KCNIP4: variants seen among roughly 807,000 people sequenced by gnomAD.
The protein encoded by KCNIP4 is Kv channel-interacting protein 4.
Under a neutral mutation model 34.0 loss-of-function variants are expected in KCNIP4, and 12 were observed. That is an observed-to-expected ratio of 0.35 (90% CI 0.23 to 0.57). KCNIP4 has a LOEUF of 0.57. Among genes scored for constraint, KCNIP4 ranks in the 20% least tolerant of loss-of-function variants. KCNIP4 has a pLI of 0.83. For missense variants in KCNIP4, 238 were observed against 311.7 expected (o/e 0.76, Z 1.78); for synonymous variants, 124 against 102.2 (o/e 1.21, Z -1.29).
At chr4:21,043,392 C>T (rs1344449682) in intron 1 of KCNIP4, among the ~76,000 whole-genome samples, 14 of 152,070 alleles carry the variant, frequency 9.2e-5, no homozygotes, top group East Asian at 1.9e-4. Flanking sequence ...TGCATTGGTG[C>T]GATCTCAACA....
At chr4:21,924,859 C>T (rs1729145969) in intron 1 of KCNIP4, among the ~76,000 whole-genome samples, 1 of 152,046 alleles carries the variant, frequency 6.6e-6, no homozygotes, top group Non-Finnish European at 1.5e-5. Flanking sequence ...CCTCCCTGGC[C>T]CCCAATTGTT....
chr4:21,739,767 A>G (rs1348056297), intron 1 of KCNIP4, among the ~76,000 whole-genome samples: 1 of 152,106 alleles, frequency 6.6e-6, no homozygotes, highest in Non-Finnish European at 1.5e-5. Flanking sequence ...GCTCCTTTGA[A>G]GTACATCCTT....
At chr4:21,787,293 C>A (rs1289863407) in intron 1 of KCNIP4, among the ~76,000 whole-genome samples, 2 of 152,152 alleles carry the variant, frequency 1.3e-5, no homozygotes, top group Non-Finnish European at 2.9e-5. Flanking sequence ...GTTTAAAAAT[C>A]TGAAATCTGA....
intron 1 of KCNIP4, among the ~76,000 whole-genome samples, chr4:21,792,098 G>A (rs13128557): frequency 6.6e-6 from 1 of 150,838 alleles, no homozygotes; most frequent in African/African-American, 2.5e-5. Flanking sequence ...TCTGATTTTC[G>A]TGGTGGGAAG....
chr4:21,831,730 A>ATT (rs1723004180), intron 1 of KCNIP4, among the ~76,000 whole-genome samples: 1 of 149,928 alleles, frequency 6.7e-6, no homozygotes, highest in South Asian at 2.1e-4. Context: ...CCAAAGATTT[A>ATT]AAGAATTCAC....
chr4:21,609,668 GAGA>G lies in KCNIP4; in HGVS notation c.61+338900_61+338902del, dbSNP rs1398756124. Among the ~76,000 whole-genome samples, 3 of 152,266 alleles carry G rather than the reference GAGA, an allele frequency of 2.0e-5. No homozygotes were observed. In the South Asian group the frequency reaches 6.2e-4, roughly 32 times the overall value. The stretch of plus-strand genomic sequence containing the variant: ...ATATCCTCATGGAAAATAGAGAAAA[GAGA>G]AGAAGATTGCTTCCTTAAATTAGGG... On this transcript the variant is annotated intron_variant, in intron 1 of 8. Coordinates refer to ENST00000382152, the MANE Select transcript of KCNIP4 (RefSeq NM_025221.6).
chr4:21,720,100 T>C (rs1714699584), intron 1 of KCNIP4, among the ~76,000 whole-genome samples: 1 of 151,486 alleles, frequency 6.6e-6, no homozygotes, highest in African/African-American at 2.4e-5. Flanking sequence ...AGTTATTTAA[T>C]ACCTTTTCTA....
At chr4:21,804,613 A>G (rs1295555177) in intron 1 of KCNIP4, among the ~76,000 whole-genome samples, 1 of 152,200 alleles carries the variant, frequency 6.6e-6, no homozygotes, top group Non-Finnish European at 1.5e-5. Context: ...CACCTGCTCA[A>G]ATTAGACCAG....
At position 20,971,910 on chromosome 4, in the gene KCNIP4, T is replaced by G. The variant is rs77528175; in HGVS notation, c.62-89201A>C. On this transcript the variant is annotated intron_variant, in intron 1 of 8. Coordinates refer to ENST00000382152, the MANE Select transcript of KCNIP4 (RefSeq NM_025221.6). ...TCCTGCTGCTGCTTTCTCAAATAAGTTTATGCAGTATTCTAAATTCTTAGC... is the reference window on the plus strand; with the variant it reads ...TCCTGCTGCTGCTTTCTCAAATAAGGTTATGCAGTATTCTAAATTCTTAGC... Among the ~76,000 whole-genome samples, 849 of 152,300 alleles carry G rather than the reference T, an allele frequency of 5.6e-3. 6 individuals carry two copies. Among genetic ancestry groups the G allele is most frequent in the African/African-American group, 0.02 (826 of 41,576 alleles).
At chr4:21,538,366 AG>A (rs1009547689) in intron 1 of KCNIP4, among the ~76,000 whole-genome samples, 33 of 152,278 alleles carry the variant, frequency 2.2e-4, no homozygotes, top group Middle Eastern at 3.4e-3. Context: ...ACCACATGCA[AG>A]GTGCTATGCT....
intron 1 of KCNIP4, among the ~76,000 whole-genome samples, chr4:20,934,530 A>G (rs1012317551): frequency 6.6e-6 from 1 of 151,662 alleles, no homozygotes; most frequent in African/African-American, 2.4e-5. Flanking sequence ...CCCTTATTTC[A>G]CTCACCCTTA....
intron 1 of KCNIP4, among the ~76,000 whole-genome samples, chr4:21,265,788 C>T (rs1319324578): frequency 2.0e-5 from 3 of 152,162 alleles, no homozygotes; most frequent in Non-Finnish European, 4.4e-5. Flanking sequence ...CTGTTTGTTT[C>T]TGACTTTTGA....
intron 1 of KCNIP4, among the ~76,000 whole-genome samples, chr4:20,993,027 CAA>C (rs11416440): frequency 1.2e-4 from 5 of 42,072 alleles, no homozygotes; most frequent in African/African-American, 2.6e-4. Context: ...GACTCCATCT[CAA>C]AAAAAAAAAA....
chr4:21,493,983 T>G (rs1324046038), intron 1 of KCNIP4, among the ~76,000 whole-genome samples: 1 of 152,244 alleles, frequency 6.6e-6, no homozygotes, highest in Non-Finnish European at 1.5e-5. Flanking sequence ...CAAATATTTA[T>G]TATGAGCTCT....
intron 1 of KCNIP4, among the ~76,000 whole-genome samples, chr4:21,096,474 T>C (rs1747466018): frequency 6.6e-6 from 1 of 152,192 alleles, no homozygotes; most frequent in Non-Finnish European, 1.5e-5. Context: ...CTATACCTAC[T>C]TTAGGGTCCT....
intron 1 of KCNIP4, among the ~76,000 whole-genome samples, chr4:21,733,314 G>A (rs1042494162): frequency 9.2e-5 from 14 of 152,234 alleles, no homozygotes; most frequent in African/African-American, 3.1e-4. Flanking sequence ...ACAGTGAATC[G>A]TATATAGATA....
chr4:21,189,821 G>A (rs755838067), intron 1 of KCNIP4, among the ~76,000 whole-genome samples: 25 of 152,038 alleles, frequency 1.6e-4, no homozygotes, highest in Non-Finnish European at 7.4e-5. Flanking sequence ...TAACATTCAG[G>A]GATTTCACTT....
intron 1 of KCNIP4, among the ~76,000 whole-genome samples, chr4:21,124,025 A>G (rs902778164): frequency 1.5e-5 from 2 of 136,168 alleles, no homozygotes; most frequent in African/African-American, 5.9e-5. Flanking sequence ...CATATTTTGT[A>G]AAAAAACAAA....
At chr4:21,058,537 G>C (rs1346274012) in intron 1 of KCNIP4, among the ~76,000 whole-genome samples, 1 of 151,920 alleles carries the variant, frequency 6.6e-6, no homozygotes, top group Non-Finnish European at 1.5e-5. Context: ...TGTAAAATGG[G>C]GATAATTATG....
Sources: gnomAD v4.1 joint callset for allele counts (sites outside exome capture counted in the v4.1 genomes callset) on GRCh38, gnomAD v4.1.1 for gene constraint, MANE v1.5 for transcripts, NCBI Gene and HGNC (gene_info 2026-07-23, HGNC 2026-07-21) for gene names.